ELOVL6: variants seen among roughly 807,000 people sequenced by gnomAD.
ELOVL6 encodes the protein very long chain fatty acid elongase 6.
In ELOVL6, 8 loss-of-function variants were observed where a neutral mutation model predicts 31.7. The observed-to-expected ratio is 0.25, with a 90% CI of 0.15 to 0.45. The LOEUF is 0.45. Ranked by LOEUF, ELOVL6 falls within the 20% of genes least tolerant of loss-of-function variation. ELOVL6 has a pLI of 1.00. For missense variants in ELOVL6, 126 were observed against 326.4 expected (o/e 0.39, Z 4.73); for synonymous variants, 101 against 117.7 (o/e 0.86, Z 0.92).
At chr4:110,106,629 A>G (rs911691561) in intron 1 of ELOVL6, among the ~76,000 whole-genome samples, 2 of 152,142 alleles carry the variant, frequency 1.3e-5, no homozygotes, top group Admixed American at 1.3e-4. Context: ...TTGTGTTACC[A>G]TCTTGGTTTG....
At chr4:110,114,973 G>C (rs1339394104) in intron 1 of ELOVL6, among the ~76,000 whole-genome samples, 3 of 152,108 alleles carry the variant, frequency 2.0e-5, no homozygotes, top group Non-Finnish European at 4.4e-5. Context: ...TATCAAAGGA[G>C]AATCCATTTC....
At position 110,047,555 on chromosome 4, in the gene ELOVL6, G is replaced by A. The variant is rs1754724170; in HGVS notation, c.*3783C>T. ...ACTCCAGGAGCTTTGTTACTCTGAT[G>A]TGACAGGCTTTACCTTATGAAGATG... On this transcript the variant is annotated 3_prime_UTR_variant, in exon 4 of 4. Transcript: ENST00000302274. 2.0e-5 allele frequency: 3 copies of A among 152,162 alleles called. No individual in the cohort carries two copies. The highest frequency in any genetic ancestry group is 6.5e-5 in the Admixed American group (1 of 15,274). The allele number at this position is 152,162 out of a possible 1,614,324, so 9.4% of individuals were successfully genotyped here. A position where few individuals can be genotyped will look rare whatever the true frequency, so the allele number is the denominator to read the frequency against.
At chr4:110,075,049 T>C (rs553377292) in intron 2 of ELOVL6, among the ~76,000 whole-genome samples, 122 of 152,262 alleles carry the variant, frequency 8.0e-4, no homozygotes, top group Non-Finnish European at 1.4e-3. Flanking sequence ...ACCTCACTGA[T>C]CATTAGAAAA....
At chr4:110,100,856 C>T (rs969820671) in intron 2 of ELOVL6, among the ~76,000 whole-genome samples, 14 of 152,166 alleles carry the variant, frequency 9.2e-5, no homozygotes, top group African/African-American at 3.1e-4. Flanking sequence ...GAACTATCTC[C>T]TGAGCAAAGA....
At chr4:110,197,073 G>A (rs928337559) in intron 1 of ELOVL6, among the ~76,000 whole-genome samples, 1 of 152,236 alleles carries the variant, frequency 6.6e-6, no homozygotes, top group Admixed American at 6.5e-5. Flanking sequence ...GCAGGCGGGA[G>A]GGCGCGGGGC....
At chr4:110,118,931 G>T (rs1168559833) in intron 1 of ELOVL6, among the ~76,000 whole-genome samples, 1 of 152,156 alleles carries the variant, frequency 6.6e-6, no homozygotes, top group African/African-American at 2.4e-5. Flanking sequence ...CATGGTGGTA[G>T]GCATCTGTAG....
chr4:110,097,305 C>CAAA (rs33970271), intron 2 of ELOVL6, among the ~76,000 whole-genome samples: 16,599 of 88,188 alleles, frequency 0.19, 1,743 homozygotes, highest in East Asian at 0.48. Context: ...ACTCCATCTC[C>CAAA]AAAAAAAAAA....
chr4:110,087,917 C>G (rs1055227780), intron 2 of ELOVL6, among the ~76,000 whole-genome samples: 1 of 151,938 alleles, frequency 6.6e-6, no homozygotes, highest in Non-Finnish European at 1.5e-5. Flanking sequence ...TTGTCCTTAA[C>G]AATTAGAGTC....
intron 1 of ELOVL6, among the ~76,000 whole-genome samples, chr4:110,126,304 C>T (rs138269710): frequency 0.011 from 1,642 of 152,268 alleles, 27 homozygotes; most frequent in African/African-American, 0.037. Context: ...CCTCGGCCTC[C>T]CAAAGTGCTG....
At chr4:110,186,265 CCTG>C (rs1463033885) in intron 1 of ELOVL6, among the ~76,000 whole-genome samples, 1 of 151,966 alleles carries the variant, frequency 6.6e-6, no homozygotes, top group African/African-American at 2.4e-5. Flanking sequence ...GGTGACTATT[CCTG>C]CTGACCACCA....
At chr4:110,061,510 A>AT (rs1027446379) in intron 2 of ELOVL6, among the ~76,000 whole-genome samples, 7 of 125,214 alleles carry the variant, frequency 5.6e-5, no homozygotes, top group East Asian at 2.4e-4. Context: ...TCTTATCTGA[A>AT]TTTTTTTTGT....
intron 2 of ELOVL6, among the ~76,000 whole-genome samples, chr4:110,068,775 T>TG (rs1161636932): frequency 1.3e-5 from 2 of 152,072 alleles, no homozygotes. Context: ...CAAAGAAATG[T>TG]GGGGGGCCAA....
At chr4:110,194,952 G>C (rs1401495524) in intron 1 of ELOVL6, among the ~76,000 whole-genome samples, 1 of 152,098 alleles carries the variant, frequency 6.6e-6, no homozygotes, top group African/African-American at 2.4e-5. Context: ...ATTCCCAAAA[G>C]ACAGAGTAGA....
At chr4:110,077,465 A>T (rs1283786441) in intron 2 of ELOVL6, among the ~76,000 whole-genome samples, 1 of 152,176 alleles carries the variant, frequency 6.6e-6, no homozygotes, top group Admixed American at 6.6e-5. Flanking sequence ...CACTGCTGAT[A>T]CCCAGGCAAA....
Position 110,051,772 on chromosome 4 carries a change from A to G in ELOVL6, c.374-10T>C. Reference sequence around the variant, plus strand: ...ATGAATATTGTATCTCCTGGAAGACAAAGAGGAAGAAGGTACGTGAGATCC... The same window carrying G: ...ATGAATATTGTATCTCCTGGAAGACGAAGAGGAAGAAGGTACGTGAGATCC... On this transcript the variant is annotated splice_polypyrimidine_tract_variant and intron_variant, in intron 3 of 3. Coordinates refer to ENST00000302274, the MANE Select transcript of ELOVL6 (RefSeq NM_024090.3). This position sits in a 1 kb window ranked among gnomAD's most constrained non-coding sequence, Gnocchi z 4.8. 6.2e-7 allele frequency: 1 copy of G among 1,607,504 alleles called. No individual in the cohort carries two copies. Among genetic ancestry groups the G allele is most frequent in the Non-Finnish European group, 8.5e-7 (1 of 1,176,814 alleles).
At chr4:110,070,242 A>G (rs1445939070) in intron 2 of ELOVL6, among the ~76,000 whole-genome samples, 3 of 152,152 alleles carry the variant, frequency 2.0e-5, no homozygotes, top group African/African-American at 4.8e-5. Context: ...GGACTTTTCT[A>G]ATAGGAACAA....
At chr4:110,156,367 CA>C (rs1758416494) in intron 1 of ELOVL6, among the ~76,000 whole-genome samples, 1 of 152,066 alleles carries the variant, frequency 6.6e-6, no homozygotes, top group African/African-American at 2.4e-5. Context: ...GACTGACCTC[CA>C]TCTAAAATCT....
chr4:110,177,965 A>G (rs183634082), intron 1 of ELOVL6, among the ~76,000 whole-genome samples: 3 of 152,302 alleles, frequency 2.0e-5, no homozygotes, highest in Non-Finnish European at 1.5e-5. Context: ...ACTTAAAACA[A>G]TTGTAATACT....
At chr4:110,097,621 A>G (rs1203352023) in intron 2 of ELOVL6, among the ~76,000 whole-genome samples, 2 of 152,106 alleles carry the variant, frequency 1.3e-5, no homozygotes, top group Non-Finnish European at 2.9e-5. Context: ...TGACCTTTCA[A>G]ACAGTCAGTG....
Sources: gnomAD v4.1 joint callset for allele counts (sites outside exome capture counted in the v4.1 genomes callset) on GRCh38, gnomAD v4.1.1 for gene constraint, Gnocchi (gnomAD v3.1) non-coding constraint, MANE v1.5 for transcripts, NCBI Gene and HGNC (gene_info 2026-07-23, HGNC 2026-07-21) for gene names.